The following DPP10 variants were observed in gnomAD, a reference collection of about 807,000 sequenced individuals.
DPP10 encodes dipeptidyl peptidase like 10.
A neutral mutation model predicts 120.9 loss-of-function variants in DPP10; 33 were observed. That is an observed-to-expected ratio of 0.27 (90% CI 0.21 to 0.37). DPP10 has a LOEUF of 0.37. Ranked by LOEUF, DPP10 falls within the 10% of genes least tolerant of loss-of-function variation. DPP10 has a pLI of 1.00. For missense variants in DPP10, 816 were observed against 942.8 expected, an observed-to-expected ratio of 0.87 and a Z score of 1.76; for synonymous variants, 337 against 326.1, an observed-to-expected ratio of 1.03 and a Z score of -0.36.
At chr2:115,251,887 T>C (rs1234683203) in intron 1 of DPP10, among the ~76,000 whole-genome samples, 1 of 152,216 alleles carries the variant, frequency 6.6e-6, no homozygotes, top group African/African-American at 2.4e-5. Context: ...GCATAGGCTG[T>C]AGAAAAAATG....
At chr2:114,974,203 C>T (rs555839772) in intron 1 of DPP10, among the ~76,000 whole-genome samples, 8 of 152,234 alleles carry the variant, frequency 5.3e-5, no homozygotes, top group African/African-American at 1.9e-4. Flanking sequence ...TTACTAAGTC[C>T]TGCAAGCTCC....
At chr2:115,378,581 A>C (rs2066005956) in intron 3 of DPP10, among the ~76,000 whole-genome samples, 1 of 150,544 alleles carries the variant, frequency 6.6e-6, no homozygotes, top group South Asian at 2.1e-4. Flanking sequence ...CAGAACTTCC[A>C]ACACTATGTT....
chr2:115,152,562 AATAG>A (rs960553966), intron 1 of DPP10, among the ~76,000 whole-genome samples: 1 of 152,238 alleles, frequency 6.6e-6, no homozygotes, highest in Non-Finnish European at 1.5e-5. Context: ...AACAGTAAAA[AATAG>A]ATATATTGGC....
chr2:115,707,398 TTAAG>T lies in DPP10; in HGVS notation c.576+17482_576+17485del, dbSNP rs202170657. On this transcript the variant is annotated intron_variant, in intron 7 of 25. Coordinates refer to ENST00000410059, the MANE Select transcript of DPP10 (RefSeq NM_020868.6). ...ATTATATTCTATGACCATAAAGGAA[TTAAG>T]TAAGAAACAAACAAATTTTACACAC... is the stretch of plus-strand genomic sequence containing the variant. 7.7e-3 allele frequency among the ~76,000 whole-genome samples: 1,104 copies of T among 143,192 alleles called. 11 individuals are homozygous for T. Among genetic ancestry groups the T allele is most frequent in the African/African-American group, 0.024 (945 of 38,700 alleles). 93.9% of individuals were successfully genotyped at this position (143,192 alleles called of 152,430 possible).
chr2:115,183,656 C>G (rs2054232631), intron 1 of DPP10, among the ~76,000 whole-genome samples: 1 of 152,102 alleles, frequency 6.6e-6, no homozygotes, highest in African/African-American at 2.4e-5. Context: ...ATCTTCCAGT[C>G]TGTGGATCGT....
At chr2:115,205,570 G>T (rs542584124) in intron 1 of DPP10, among the ~76,000 whole-genome samples, 1 of 152,010 alleles carries the variant, frequency 6.6e-6, no homozygotes, top group Non-Finnish European at 1.5e-5. Context: ...AAAAAGACAC[G>T]TGCATATGTA....
chr2:115,395,341 C>G (rs1177996528), intron 3 of DPP10, among the ~76,000 whole-genome samples: 1 of 152,100 alleles, frequency 6.6e-6, no homozygotes, highest in African/African-American at 2.4e-5. Context: ...ACCCTAATGA[C>G]CTAATTTTAA....
intron 1 of DPP10, among the ~76,000 whole-genome samples, chr2:114,799,977 A>C (rs1401655641): frequency 6.6e-6 from 1 of 152,230 alleles, no homozygotes; most frequent in Non-Finnish European, 1.5e-5. Context: ...GAATATGAGG[A>C]ATGTACAAAC....
chr2:115,493,064 G>T (rs570775820), intron 3 of DPP10, among the ~76,000 whole-genome samples: 2 of 152,054 alleles, frequency 1.3e-5, no homozygotes, highest in East Asian at 3.9e-4. Flanking sequence ...TAGGCTATCG[G>T]TAGATAATAA....
chr2:115,746,161 C>T lies in DPP10; in HGVS notation c.928C>T (p.Pro310Ser). 1.2e-6 allele frequency: 2 copies of T among 1,612,384 alleles called. No homozygotes were observed. The highest frequency in any genetic ancestry group is 1.7e-6 in the Non-Finnish European group (2 of 1,179,324). Residue 310 changes from proline (P) to serine (S), a missense_variant, in exon 10 of 26, where the codon CCA (proline) becomes TCA (serine). Pro to Ser is a moderately conservative substitution (Grantham distance 74). Transcript: ENST00000410059. Reference sequence around the variant, plus strand: ...ACCAACTCACACTTTGGAGCTCATGCCACCTGACAGCTTTAAATCAAGGTA... The same window carrying T: ...ACCAACTCACACTTTGGAGCTCATGTCACCTGACAGCTTTAAATCAAGGTA... ...YGPTHTLELM[P>S]PDSFKSREYY...
At chr2:115,541,940 A>G (rs1248608232) in intron 5 of DPP10, among the ~76,000 whole-genome samples, 2 of 151,946 alleles carry the variant, frequency 1.3e-5, no homozygotes, top group Admixed American at 6.6e-5. Flanking sequence ...GACTCACACA[A>G]ATTTGCAAAT....
chr2:115,458,508 C>G (rs969112646), intron 3 of DPP10, among the ~76,000 whole-genome samples: 8 of 151,934 alleles, frequency 5.3e-5, no homozygotes, highest in African/African-American at 1.9e-4. Flanking sequence ...TTTCTGTATT[C>G]CTATTTTGAC....
chr2:114,848,210 T>C (rs1234736412), intron 1 of DPP10, among the ~76,000 whole-genome samples: 2 of 152,178 alleles, frequency 1.3e-5, no homozygotes, highest in African/African-American at 4.8e-5. Flanking sequence ...TCACTGTTTG[T>C]GAAGAAGCAA....
intron 1 of DPP10, chr2:115,161,833 C>A: frequency 2.1e-6 from 2 of 973,928 alleles, no homozygotes; most frequent in South Asian, 2.4e-5. Flanking sequence ...TCCGCTCCCC[C>A]CACCCCGTCC....
At chr2:114,487,702 A>G (rs1231826349) in intron 1 of DPP10, among the ~76,000 whole-genome samples, 1 of 152,226 alleles carries the variant, frequency 6.6e-6, no homozygotes, top group African/African-American at 2.4e-5. Context: ...AACAATAATC[A>G]GTATAAAATT....
At chr2:115,536,899 A>C (rs1354265266) in intron 5 of DPP10, among the ~76,000 whole-genome samples, 1 of 152,054 alleles carries the variant, frequency 6.6e-6, no homozygotes, top group African/African-American at 2.4e-5. Context: ...ACTCTGGTAA[A>C]ATTACACTAG....
chr2:115,084,661 A>G (rs889016834), intron 1 of DPP10, among the ~76,000 whole-genome samples: 6 of 152,226 alleles, frequency 3.9e-5, no homozygotes, highest in Admixed American at 1.3e-4. Context: ...AAACTGCTGA[A>G]GAGCTGAAAT....
chr2:114,904,747 G>A (rs1693835824), intron 1 of DPP10, among the ~76,000 whole-genome samples: 1 of 152,180 alleles, frequency 6.6e-6, no homozygotes, highest in Non-Finnish European at 1.5e-5. Context: ...TTCACAGGAT[G>A]AGTAGATAGA....
At chr2:115,368,488 T>C (rs2106385741) in intron 3 of DPP10, among the ~76,000 whole-genome samples, 1 of 152,214 alleles carries the variant, frequency 6.6e-6, no homozygotes, top group African/African-American at 2.4e-5. Context: ...CATCATCTTT[T>C]CCCAATGTAT....
Sources: allele counts gnomAD v4.1 joint callset (sites outside exome capture counted in the v4.1 genomes callset), GRCh38; gene constraint gnomAD v4.1.1; transcripts MANE v1.5; gene names NCBI Gene and HGNC (gene_info 2026-07-23, HGNC 2026-07-21).